Variants in SHB observed in about 807,000 individuals in gnomAD.
The protein encoded by SHB is SH2 domain-containing adapter protein B.
In SHB, 20 loss-of-function variants were observed where a neutral mutation model predicts 52.3. That is an observed-to-expected ratio of 0.38 (90% CI 0.27 to 0.56). The LOEUF (loss-of-function observed/expected upper bound fraction) is 0.56. Ranked by LOEUF, SHB falls within the 20% of genes least tolerant of loss-of-function variation. SHB has a pLI of 0.71. For missense variants in SHB, 825 were observed against 723.3 expected, an observed-to-expected ratio of 1.14 and a Z score of -1.61; for synonymous variants, 397 against 316.5, an observed-to-expected ratio of 1.25 and a Z score of -2.70.
intron 5 of SHB, among the ~76,000 whole-genome samples, chr9:37,937,500 G>A (rs1419284192): frequency 6.6e-6 from 1 of 152,060 alleles, no homozygotes; most frequent in African/African-American, 2.4e-5. Context: ...ATTAAAAGTG[G>A]CAAACACTCG....
At chr9:37,927,340 GTTA>G (rs1480370557) in intron 5 of SHB, among the ~76,000 whole-genome samples, 1 of 152,252 alleles carries the variant, frequency 6.6e-6, no homozygotes, top group Non-Finnish European at 1.5e-5. Context: ...CACACACCAA[GTTA>G]TTGTGAACAA....
intron 1 of SHB, among the ~76,000 whole-genome samples, chr9:38,032,158 G>C (rs1821424483): frequency 6.6e-6 from 1 of 152,196 alleles, no homozygotes; most frequent in Non-Finnish European, 1.5e-5. Context: ...TGCTTACAGA[G>C]GGGGCACCGC....
At chr9:38,045,754 G>GT (rs1169545261) in intron 1 of SHB, among the ~76,000 whole-genome samples, 1 of 152,210 alleles carries the variant, frequency 6.6e-6, no homozygotes, top group South Asian at 2.1e-4. Context: ...AAAGACGTAT[G>GT]TTTTTTGACA....
rs1821992959 is a variant in SHB, at chr9:38,067,976, A to C, written c.670T>G (p.Cys224Gly). The C allele has an allele frequency of 3.2e-6, 5 of 1,552,942 alleles. No individual in the cohort carries two copies. The highest frequency in any genetic ancestry group is 4.3e-6 in the Non-Finnish European group (5 of 1,159,158). ...CTCTCCTCCGCGGCTGAGGCGGCGCACTTGTTGAGCAGTTTCTTGCCTCCG... is the reference window on the plus strand; with the variant it reads ...CTCTCCTCCGCGGCTGAGGCGGCGCCCTTGTTGAGCAGTTTCTTGCCTCCG... The part of the protein sequence containing the change: ...ACGGKKLLNK[C>G]AASAAEESGA... The change falls in exon 1 of 6, where the codon TGC (cysteine) becomes GGC (glycine). Residue 224 changes from cysteine to glycine, a missense_variant. Cys to Gly is a radical substitution (Grantham distance 159). Coordinates refer to ENST00000377707, the MANE Select transcript of SHB (RefSeq NM_003028.3).
intron 3 of SHB, among the ~76,000 whole-genome samples, chr9:37,967,739 G>A (rs2117948572): frequency 6.6e-6 from 1 of 152,356 alleles, no homozygotes; most frequent in East Asian, 1.9e-4. Flanking sequence ...CCTGGGGGTG[G>A]AACCCCAGCA....
At chr9:38,000,162 G>A (rs1486051289) in intron 2 of SHB, among the ~76,000 whole-genome samples, 1 of 152,240 alleles carries the variant, frequency 6.6e-6, no homozygotes, top group African/African-American at 2.4e-5. Context: ...AGAAAAGAGA[G>A]GGAGCGAGAA....
intron 5 of SHB, among the ~76,000 whole-genome samples, chr9:37,943,167 C>T (rs16934640): frequency 0.12 from 18,941 of 152,186 alleles, 1,213 homozygotes; most frequent in African/African-American, 0.16. Flanking sequence ...TCTCTGGGCC[C>T]ATTCTCTCTG....
chr9:37,962,708 C>T (rs767764237), intron 3 of SHB, among the ~76,000 whole-genome samples: 2 of 151,678 alleles, frequency 1.3e-5, no homozygotes, highest in Non-Finnish European at 2.9e-5. Context: ...GGTGGCCTCT[C>T]GCTATCTTAC....
intron 2 of SHB, among the ~76,000 whole-genome samples, chr9:38,009,786 GGA>G (rs1821116089): frequency 6.6e-6 from 1 of 152,200 alleles, no homozygotes; most frequent in South Asian, 2.1e-4. Context: ...TTGTAAGCAA[GGA>G]AAACAGCCAC....
intron 1 of SHB, among the ~76,000 whole-genome samples, chr9:38,018,484 G>A (rs1358897996): frequency 2.0e-5 from 3 of 147,122 alleles, no homozygotes; most frequent in Non-Finnish European, 4.5e-5. Context: ...TATACCTGCT[G>A]ACAGTTGAAA....
intron 3 of SHB, among the ~76,000 whole-genome samples, chr9:37,963,595 G>C (rs1221713063): frequency 2.6e-5 from 4 of 152,180 alleles, no homozygotes; most frequent in African/African-American, 9.7e-5. Context: ...AGCACCAACA[G>C]CTAGGCTGGG....
At chr9:38,035,245 G>C (rs1467039126) in intron 1 of SHB, among the ~76,000 whole-genome samples, 1 of 151,932 alleles carries the variant, frequency 6.6e-6, no homozygotes, top group Non-Finnish European at 1.5e-5. Flanking sequence ...TCAATTTCAG[G>C]AAGAATGATC....
Position 38,068,117 on chromosome 9 carries a change from G to T in SHB, c.529C>A (p.Arg177Ser), listed in dbSNP as rs950231203. ...ERRPATPAEV[R>S]YISPKHRLIK... ...AGGCGGTGCTTGGGGGAGATGTAGCGCACCTCGGCCGGCGTGGCGGGCCGC... is the reference window on the plus strand; with the variant it reads ...AGGCGGTGCTTGGGGGAGATGTAGCTCACCTCGGCCGGCGTGGCGGGCCGC... The change falls in exon 1 of 6, where the codon CGC (arginine) becomes AGC (serine). Residue 177 changes from arginine to serine, a missense_variant. By Grantham distance (110) the Arg-to-Ser change is moderately radical. Coordinates refer to ENST00000377707, the MANE Select transcript of SHB (RefSeq NM_003028.3). The T allele has an allele frequency of 6.8e-7, 1 of 1,466,572 alleles. No individual in the cohort carries two copies. Among genetic ancestry groups the T allele is most frequent in the Non-Finnish European group, 8.9e-7 (1 of 1,121,246 alleles). The allele number at this position is 1,466,572 out of a possible 1,614,324, so 90.8% of individuals were successfully genotyped here. A position where few individuals can be genotyped will look rare whatever the true frequency, so the allele number is the denominator to read the frequency against.
chr9:38,068,403 G>A lies in SHB; in HGVS notation c.243C>T (p.Ile81=). ...GCTCCTTCTGCGCGCGGTAGGCGCG[G>A]ATGAGGTCGCTGGTGCTGCCGCTGT... ...PDDSGSTSDL[I]RAYRAQKERD... Residue 81 remains isoleucine (I), a synonymous_variant, in exon 1 of 6, where the codon ATC becomes ATT. Transcript: ENST00000377707. 6.3e-7 allele frequency: 1 copy of A among 1,574,880 alleles called. No homozygotes were observed. The highest frequency in any genetic ancestry group is 1.2e-5 in the South Asian group (1 of 86,176).
chr9:37,985,461 G>C (rs920023850), intron 2 of SHB, among the ~76,000 whole-genome samples: 3 of 152,258 alleles, frequency 2.0e-5, no homozygotes, highest in African/African-American at 7.2e-5. Flanking sequence ...CCATCACTCT[G>C]CATCTTCCAG....
rs1832677681 is a variant in SHB at position 37,960,063 on chromosome 9, C to A, written c.1055-4009G>T. 2.6e-5 allele frequency among the ~76,000 whole-genome samples: 4 copies of A among 152,210 alleles called. No individual in the cohort carries two copies. The South Asian group carries it at 8.3e-4, about 32-fold the overall frequency. ...TCCTAGTCAACAATGTAATTCCCCA[C>A]TGAAATAATTTACACATTTGCTGGC... On this transcript the variant is annotated intron_variant, in intron 3 of 5. Transcript: ENST00000377707.
At chr9:37,923,033 G>A (rs1002076190) in intron 5 of SHB, among the ~76,000 whole-genome samples, 1 of 152,226 alleles carries the variant, frequency 6.6e-6, no homozygotes, top group South Asian at 2.1e-4. Flanking sequence ...TGCCTTCAGG[G>A]ACAATCCTTC....
At chr9:38,061,311 CAAAA>C (rs776311036) in intron 1 of SHB, among the ~76,000 whole-genome samples, 7 of 84,024 alleles carry the variant, frequency 8.3e-5, no homozygotes, top group Admixed American at 1.4e-4. Context: ...GATCCTGTCT[CAAAA>C]AAAAAAAAAA....
chr9:37,970,532 C>T (rs999473082), intron 3 of SHB, among the ~76,000 whole-genome samples: 4 of 152,144 alleles, frequency 2.6e-5, no homozygotes, highest in African/African-American at 9.7e-5. Flanking sequence ...TTTTCTTGAA[C>T]GCAATTCGGG....
Sources: gnomAD v4.1 joint callset for allele counts (sites outside exome capture counted in the v4.1 genomes callset) on GRCh38, gnomAD v4.1.1 for gene constraint, MANE v1.5 for transcripts, NCBI Gene and HGNC (gene_info 2026-07-23, HGNC 2026-07-21) for gene names.